TMOD2: variants seen among roughly 807,000 people sequenced by gnomAD.
The protein encoded by TMOD2 is tropomodulin 2, also known as tropomodulin-2.
TMOD2 carries 22 observed loss-of-function variants against 39.9 expected under a neutral mutation model. The observed-to-expected ratio is 0.55, with a 90% CI of 0.39 to 0.79. TMOD2 has a LOEUF of 0.79. Ranked by LOEUF, TMOD2 falls within the 30% of genes least tolerant of loss-of-function variation. The probability of loss-of-function intolerance (pLI) is 0.00; values close to 1 mark genes in which losing one functional copy is unlikely to be tolerated. For synonymous variants in TMOD2, 123 were observed against 146.1 expected, an observed-to-expected ratio of 0.84 and a Z score of 1.14; for missense variants, 386 against 413.3, an observed-to-expected ratio of 0.93 and a Z score of 0.57.
At chr15:51,752,119 G>A (rs1003422898) in intron 1 of TMOD2, among the ~76,000 whole-genome samples, 7 of 152,076 alleles carry the variant, frequency 4.6e-5, no homozygotes, top group African/African-American at 1.4e-4. Flanking sequence ...TCCTGGAGCG[G>A]TATGCATCTC....
chr15:51,768,398 C>T lies in TMOD2; in HGVS notation c.263C>T (p.Pro88Leu), dbSNP rs761181285. ...LEQKDREDFV[P>L]FTGEKKGRVF... ...CAGAAAGACAGAGAGGACTTTGTGC[C>T]CTTCACTGGAGAAAAGAAAGGTAAG... is the stretch of plus-strand genomic sequence containing the variant. The change falls in exon 3 of 10, where the codon CCC (proline) becomes CTC (leucine). Residue 88 changes from proline (P) to leucine (L), a missense_variant. Physicochemically the swap from Pro to Leu is moderately conservative, Grantham distance 98. Transcript: ENST00000249700. 4.6e-5 allele frequency: 75 copies of T among 1,613,988 alleles called. No homozygotes were observed. Among genetic ancestry groups the T allele is most frequent in the African/African-American group, 1.1e-4 (8 of 74,896 alleles).
chr15:51,780,718 T>C (rs1251181714), intron 5 of TMOD2, among the ~76,000 whole-genome samples: 2 of 152,226 alleles, frequency 1.3e-5, no homozygotes, highest in Non-Finnish European at 2.9e-5. Context: ...CTAGTTAGTA[T>C]AGTCTGACAG....
chr15:51,773,562 A>G (rs2055867522), intron 3 of TMOD2, 150 bp from the exon 4 acceptor site: 1 of 633,204 alleles, frequency 1.6e-6, no homozygotes, highest in African/African-American at 1.9e-5. Flanking sequence ...TGATGTTGGT[A>G]CCATCCTGGC....
At chr15:51,772,839 C>G (rs2055862519) in intron 3 of TMOD2, among the ~76,000 whole-genome samples, 1 of 152,186 alleles carries the variant, frequency 6.6e-6, no homozygotes, top group African/African-American at 2.4e-5. Context: ...GTTTGTTACT[C>G]AGGAACCCCT....
intron 7 of TMOD2, among the ~76,000 whole-genome samples, chr15:51,792,232 C>T (rs2141634687): frequency 6.6e-6 from 1 of 152,282 alleles, no homozygotes; most frequent in Non-Finnish European, 1.5e-5. Flanking sequence ...CAAAAGAAGA[C>T]ATTTATGCAG....
intron 8 of TMOD2, among the ~76,000 whole-genome samples, chr15:51,803,698 C>T (rs2056104527): frequency 6.6e-6 from 1 of 152,132 alleles, no homozygotes; most frequent in Non-Finnish European, 1.5e-5. Flanking sequence ...AAAATGTTTT[C>T]AGCACATTTG....
chr15:51,801,856 C>G (rs2056092466), intron 8 of TMOD2, among the ~76,000 whole-genome samples: 1 of 151,970 alleles, frequency 6.6e-6, no homozygotes, highest in African/African-American at 2.4e-5. Flanking sequence ...ACTTAGGAGG[C>G]TGAGGCAGGA....
At chr15:51,782,407 G>A (rs1426392101) in intron 6 of TMOD2, among the ~76,000 whole-genome samples, 4 of 152,192 alleles carry the variant, frequency 2.6e-5, no homozygotes, top group South Asian at 2.1e-4. Flanking sequence ...TGGCAAATAC[G>A]TCAGTCTGGC....
At chr15:51,798,428 A>G in intron 8 of TMOD2, 88 bp downstream of exon 8, 1 of 1,479,316 alleles carries the variant, frequency 6.8e-7, no homozygotes, top group Non-Finnish European at 9.2e-7. Context: ...TAAAAGACAC[A>G]GTTCTGTGTG....
At chr15:51,799,626 G>C (rs1032369658) in intron 8 of TMOD2, among the ~76,000 whole-genome samples, 4 of 152,002 alleles carry the variant, frequency 2.6e-5, no homozygotes, top group African/African-American at 9.7e-5. Flanking sequence ...CAGCACCCCA[G>C]GGGATGTGCC....
chr15:51,807,482 G>A (rs1355118946), intron 9 of TMOD2, among the ~76,000 whole-genome samples: 1 of 152,196 alleles, frequency 6.6e-6, no homozygotes, highest in African/African-American at 2.4e-5. Flanking sequence ...TGCTTACCTG[G>A]GGGGTGCACA....
intron 3 of TMOD2, among the ~76,000 whole-genome samples, chr15:51,770,179 C>T (rs1041382297): frequency 6.6e-6 from 1 of 152,196 alleles, no homozygotes; most frequent in African/African-American, 2.4e-5. Context: ...CCACTGTCTT[C>T]ATTCACTCCC....
chr15:51,772,599 G>A (rs2055860617), intron 3 of TMOD2, among the ~76,000 whole-genome samples: 1 of 152,218 alleles, frequency 6.6e-6, no homozygotes. Flanking sequence ...TGAAATGGGA[G>A]ATGGTGGCAG....
chr15:51,788,698 A>T (rs571347821), intron 7 of TMOD2, among the ~76,000 whole-genome samples: 72 of 152,360 alleles, frequency 4.7e-4, no homozygotes, highest in African/African-American at 1.7e-3. Context: ...GTGGGGGCCA[A>T]TATTCAACAT....
intron 6 of TMOD2, 38 bp from the exon 7 acceptor site, chr15:51,782,683 C>T: frequency 6.6e-7 from 1 of 1,526,340 alleles, no homozygotes; most frequent in South Asian, 1.1e-5. Flanking sequence ...GTGTGCCATA[C>T]AATGGTTCAT....
chr15:51,756,354 G>T (rs1015104175), intron 1 of TMOD2: 2 of 152,210 alleles, frequency 1.3e-5, no homozygotes, highest in Non-Finnish European at 2.9e-5. Context: ...CCTAAAACAC[G>T]AGATTATTCC....
intron 8 of TMOD2, among the ~76,000 whole-genome samples, chr15:51,798,934 C>T (rs1215019480): frequency 1.3e-5 from 2 of 152,250 alleles, no homozygotes; most frequent in African/African-American, 2.4e-5. Context: ...TGATCACAGT[C>T]TCATTGATCA....
chr15:51,776,925 T>A lies in TMOD2; in HGVS notation c.407-7T>A. ...AAACTTAATGCTCATTTGTTGACTG[T>A]TTTTAGCTGTCCTTGGAGTACACAA... On this transcript the variant is annotated splice_region_variant and splice_polypyrimidine_tract_variant and intron_variant, in intron 4 of 9. Coordinates refer to ENST00000249700, the MANE Select transcript of TMOD2 (RefSeq NM_014548.4). 1.9e-6 allele frequency: 3 copies of A among 1,612,792 alleles called. No homozygotes were observed. In the South Asian group the frequency reaches 3.3e-5, roughly 18 times the overall value.
chr15:51,759,989 G>C (rs1301856568), intron 1 of TMOD2, among the ~76,000 whole-genome samples: 1 of 152,120 alleles, frequency 6.6e-6, no homozygotes, highest in Non-Finnish European at 1.5e-5. Context: ...TCCTGCTAGT[G>C]CCCCCTGTGG....
Sources: gnomAD v4.1 joint callset for allele counts (sites outside exome capture counted in the v4.1 genomes callset) on GRCh38, gnomAD v4.1.1 for gene constraint, MANE v1.5 for transcripts, NCBI Gene and HGNC (gene_info 2026-07-23, HGNC 2026-07-21) for gene names.